The following IL1RAPL1 variants were observed in gnomAD, a reference collection of about 807,000 sequenced individuals.
IL1RAPL1 encodes the protein interleukin 1 receptor accessory protein like 1, also known as interleukin-1 receptor accessory protein-like 1.
Under a neutral mutation model 48.4 loss-of-function variants are expected in IL1RAPL1, and 3 were observed. The ratio of observed to expected loss-of-function variants is 0.06; its 90% CI spans 0.03 to 0.16. The LOEUF is 0.16. Among genes scored for constraint, IL1RAPL1 ranks in the 10% least tolerant of loss-of-function variants. IL1RAPL1 has a pLI of 1.00. For synonymous variants in IL1RAPL1, 185 were observed against 187.7 expected, an observed-to-expected ratio of 0.99 and a Z score of 0.12; for missense variants, 349 against 530.6, an observed-to-expected ratio of 0.66 and a Z score of 3.36.
rs139195191 is a variant in IL1RAPL1, at chrX:28,740,736, C to T, written c.-24-48584C>T. Reference sequence around the variant, plus strand: ...AATGTTTAGCTCCCAGTTATAAGAACATGTATAATATTTGGTTTACTGTTG... The same window carrying T: ...AATGTTTAGCTCCCAGTTATAAGAATATGTATAATATTTGGTTTACTGTTG... On this transcript the variant is annotated intron_variant, in intron 1 of 10. Transcript: ENST00000378993. Among the ~76,000 whole-genome samples the T allele has an allele frequency of 9.0e-3, 1,000 of 111,560 alleles. 9 individuals carry two copies. Among genetic ancestry groups the T allele is most frequent in the African/African-American group, 0.031 (948 of 30,734 alleles).
chrX:29,412,969 G>A (rs909478049), intron 5 of IL1RAPL1, among the ~76,000 whole-genome samples: 2 of 111,861 alleles, frequency 1.8e-5, no homozygotes, highest in African/African-American at 6.5e-5. Flanking sequence ...TTGGTGATAT[G>A]GTTTGGCTAT....
chrX:29,885,947 A>G (rs1032931501), intron 6 of IL1RAPL1, among the ~76,000 whole-genome samples: 9 of 112,538 alleles, frequency 8.0e-5, no homozygotes, highest in Non-Finnish European at 1.3e-4. Flanking sequence ...TTTACAAGTA[A>G]CATTTGTTTT....
In IL1RAPL1 at chrX:29,103,464, G is replaced by A. The variant is rs752862228; in HGVS notation, c.83-179474G>A. Among the ~76,000 whole-genome samples the A allele has an allele frequency of 4.5e-5, 5 of 111,660 alleles. No individual in the cohort carries two copies. In the South Asian group the frequency reaches 1.8e-3, roughly 41 times the overall value. On this transcript the variant is annotated intron_variant, in intron 2 of 10. Coordinates refer to ENST00000378993, the MANE Select transcript of IL1RAPL1 (RefSeq NM_014271.4). ...ACCTCTATCTCGACCATTTACAAAA[G>A]CAAAATCAAAATGGATTAAAGACTT... is the stretch of plus-strand genomic sequence containing the variant.
chrX:29,235,246 C>CATAACATT (rs781287742), intron 2 of IL1RAPL1, among the ~76,000 whole-genome samples: 1 of 111,715 alleles, frequency 9.0e-6, no homozygotes, highest in African/African-American at 3.2e-5. Flanking sequence ...GGACGTCTTT[C>CATAACATT]ATAACATTAT....
intron 5 of IL1RAPL1, among the ~76,000 whole-genome samples, chrX:29,405,567 C>T (rs1209622740): frequency 3.0e-5 from 3 of 101,597 alleles, no homozygotes; most frequent in African/African-American, 4.2e-5. Context: ...GGGGTTTCAC[C>T]GTTTTAGCCG....
intron 6 of IL1RAPL1, among the ~76,000 whole-genome samples, chrX:29,797,072 A>C (rs1402605575): frequency 8.9e-6 from 1 of 112,804 alleles, no homozygotes; most frequent in Non-Finnish European, 1.9e-5. Flanking sequence ...CACTCTCTGC[A>C]TCCTTACCAA....
At chrX:29,513,195 G>C (rs1265417685) in intron 5 of IL1RAPL1, among the ~76,000 whole-genome samples, 1 of 111,059 alleles carries the variant, frequency 9.0e-6, no homozygotes, top group African/African-American at 3.3e-5. Context: ...GGTGTGAAAA[G>C]AGGAAAAAAT....
intron 9 of IL1RAPL1, among the ~76,000 whole-genome samples, chrX:29,944,680 T>G (rs1015973859): frequency 8.9e-6 from 1 of 111,816 alleles, no homozygotes; most frequent in African/African-American, 3.3e-5. Flanking sequence ...TCTTTTACTC[T>G]TGTTTAAACC....
At chrX:29,131,170 G>C (rs1569243019) in intron 2 of IL1RAPL1, among the ~76,000 whole-genome samples, 1 of 111,583 alleles carries the variant, frequency 9.0e-6, no homozygotes, top group Non-Finnish European at 1.9e-5. Flanking sequence ...ATTTGTCATA[G>C]TAACAGAAAA....
chrX:29,552,723 T>G (rs1415552385), intron 5 of IL1RAPL1, among the ~76,000 whole-genome samples: 2 of 109,987 alleles, frequency 1.8e-5, no homozygotes, highest in African/African-American at 6.6e-5. Context: ...TCTGTATTTA[T>G]TGTATAATTA....
At chrX:29,073,633 T>C (rs1927612384) in intron 2 of IL1RAPL1, among the ~76,000 whole-genome samples, 1 of 111,958 alleles carries the variant, frequency 8.9e-6, no homozygotes, top group African/African-American at 3.2e-5. Context: ...TGTCTGATTC[T>C]TCAAAGCCTA....
chrX:29,032,521 C>T (rs1483887851), intron 2 of IL1RAPL1, among the ~76,000 whole-genome samples: 2 of 111,762 alleles, frequency 1.8e-5, no homozygotes, highest in East Asian at 2.8e-4. Flanking sequence ...CTTAAGCATG[C>T]TGAACCATTG....
At chrX:28,602,630 G>A (rs974927375) in intron 1 of IL1RAPL1, among the ~76,000 whole-genome samples, 2 of 111,859 alleles carry the variant, frequency 1.8e-5, no homozygotes, top group African/African-American at 6.5e-5. Flanking sequence ...TCTTAAATTT[G>A]TAATCAGAGA....
At chrX:29,282,882 A>T in intron 2 of IL1RAPL1, 56 bp from the exon 3 acceptor site, 1 of 1,126,310 alleles carries the variant, frequency 8.9e-7, no homozygotes, top group Admixed American at 2.2e-5. Context: ...CTAATTGCTT[A>T]TTTTTTTTGC....
At chrX:28,647,028 A>G (rs1934620758) in intron 1 of IL1RAPL1, among the ~76,000 whole-genome samples, 2 of 111,350 alleles carry the variant, frequency 1.8e-5, no homozygotes. Flanking sequence ...GATAGCTCCA[A>G]TTGATGGCTA....
chrX:29,555,055 A>G (rs1246203256), intron 5 of IL1RAPL1, among the ~76,000 whole-genome samples: 1 of 112,759 alleles, frequency 8.9e-6, no homozygotes, highest in Non-Finnish European at 1.9e-5. Context: ...TAAGACTGAG[A>G]ATCCCCTTTA....
intron 3 of IL1RAPL1, among the ~76,000 whole-genome samples, chrX:29,332,648 ATTTTATTTTTT>A (rs1932898574): frequency 4.1e-5 from 3 of 72,928 alleles, no homozygotes; most frequent in African/African-American, 1.9e-4. Context: ...TTATTTATTT[ATTTTATTTTTT>A]TTTTTTTATT....
chrX:28,813,142 C>T (rs1011438448), intron 2 of IL1RAPL1, among the ~76,000 whole-genome samples: 1 of 111,416 alleles, frequency 9.0e-6, no homozygotes, highest in Non-Finnish European at 1.9e-5. Context: ...AAGTTTCTCT[C>T]AACTGATTTC....
chrX:29,895,256 C>T (rs1047594625), intron 6 of IL1RAPL1, among the ~76,000 whole-genome samples: 1 of 111,649 alleles, frequency 9.0e-6, no homozygotes, highest in Admixed American at 9.5e-5. Context: ...TAAATAAGAG[C>T]TATTGTGTAT....
Sources: allele counts gnomAD v4.1 joint callset (sites outside exome capture counted in the v4.1 genomes callset), GRCh38; gene constraint gnomAD v4.1.1; transcripts MANE v1.5; gene names NCBI Gene and HGNC (gene_info 2026-07-23, HGNC 2026-07-21).